The following FRYL variants were observed in gnomAD, a reference collection of about 807,000 sequenced individuals.
FRYL encodes FRY like transcription coactivator, also known as protein furry homolog-like.
FRYL carries 150 observed loss-of-function variants against 351.2 expected under a neutral mutation model. The observed-to-expected ratio is 0.43, with a 90% CI of 0.37 to 0.49. The LOEUF (loss-of-function observed/expected upper bound fraction) is 0.49, where lower values mean the gene tolerates loss of function less well. Ranked by LOEUF, FRYL falls within the 20% of genes least tolerant of loss-of-function variation. The pLI, the probability that FRYL is intolerant of heterozygous loss-of-function variation, is 0.00. For missense variants in FRYL, 3,036 were observed against 3,619.3 expected, an observed-to-expected ratio of 0.84 and a Z score of 4.13; for synonymous variants, 1,153 against 1,257.1, an observed-to-expected ratio of 0.92 and a Z score of 1.75.
chr4:48,581,483 C>G lies in FRYL; in HGVS notation c.2109G>C (p.Arg703Ser). Residue 703 changes from arginine to serine, a missense_variant, in exon 21 of 64, where the codon AGG becomes AGC. Arg to Ser is a moderately radical substitution (Grantham distance 110, BLOSUM62 -1). Transcript: ENST00000358350. The part of the protein sequence containing the change: ...VILCSSRPAT[R>S]RLAVSVLREI... ...CTCTAAGGACACTGACGGCTAGTCT[C>G]CTAGTGGCAGGTCGACTGCTACAGA... 6.2e-7 allele frequency: 1 copy of G among 1,613,984 alleles called. No individual in the cohort carries two copies. The highest frequency in any genetic ancestry group is 1.1e-5 in the South Asian group (1 of 91,048).
At chr4:48,572,775 A>T (rs1175160943) in intron 26 of FRYL, among the ~76,000 whole-genome samples, 2 of 152,228 alleles carry the variant, frequency 1.3e-5, no homozygotes, top group Non-Finnish European at 2.9e-5. Context: ...CCCATGGGCC[A>T]AATCTGGCCC....
rs750043200 is a variant in FRYL at position 48,623,119 on chromosome 4, G to A, written c.174+7C>T. Reference sequence around the variant, plus strand: ...GGGAAAAAAAAATTCTCCCAAAATTGTCATACCTGATCAAACTGAAGATCT... The same window carrying A: ...GGGAAAAAAAAATTCTCCCAAAATTATCATACCTGATCAAACTGAAGATCT... On this transcript the variant is annotated splice_region_variant and intron_variant, in intron 5 of 63. Transcript: ENST00000358350. 1.3e-6 allele frequency: 2 copies of A among 1,575,334 alleles called. No individual in the cohort carries two copies. The highest frequency in any genetic ancestry group is 1.7e-6 in the Non-Finnish European group (2 of 1,157,920).
At chr4:48,692,147 TG>T (rs2149560398) in intron 2 of FRYL, among the ~76,000 whole-genome samples, 1 of 152,314 alleles carries the variant, frequency 6.6e-6, no homozygotes, top group Admixed American at 6.5e-5. Flanking sequence ...GGCAACAGAT[TG>T]TATTTAGCCC....
At position 48,576,903 on chromosome 4, in the gene FRYL, C is replaced by A. The variant is rs572449593; in HGVS notation, c.2529-681G>T. Among the ~76,000 whole-genome samples, 37 of 152,208 alleles carry A rather than the reference C, an allele frequency of 2.4e-4. No homozygotes were observed. The South Asian group carries it at 3.5e-3, about 15-fold the overall frequency. On this transcript the variant is annotated intron_variant, in intron 23 of 63. Coordinates refer to ENST00000358350, the MANE Select transcript of FRYL (RefSeq NM_015030.2). ...TACATGAACTATAAGTGCATGAATACATCTCTTTTAATTTATACGAATTAA... is the reference window on the plus strand; with the variant it reads ...TACATGAACTATAAGTGCATGAATAAATCTCTTTTAATTTATACGAATTAA...
intron 3 of FRYL, among the ~76,000 whole-genome samples, chr4:48,655,725 G>C (rs1051583925): frequency 4.9e-5 from 7 of 144,328 alleles, no homozygotes; most frequent in Admixed American, 7.0e-5. Context: ...TAATGTATAA[G>C]TATATAAAAT....
rs71191256 is a variant in FRYL at position 48,742,973 on chromosome 4, ATT to A, written c.-383-32277_-383-32276del. On this transcript the variant is annotated intron_variant, in intron 1 of 63. Transcript: ENST00000358350. ...AGGTGTGCGCCACCACGCCTGGATA[ATT>A]TTTTTTTTTTTTTTTTTTTTTTTAC... Among the ~76,000 whole-genome samples the A allele has an allele frequency of 5.2e-3, 422 of 81,714 alleles. 4 individuals are homozygous for A. Among genetic ancestry groups the A allele is most frequent in the African/African-American group, 0.014 (324 of 22,380 alleles). 53.6% of individuals were successfully genotyped at this position (81,714 alleles called of 152,430 possible). A position where few individuals can be genotyped will look rare whatever the true frequency, so the allele number is the denominator to read the frequency against.
At chr4:48,557,153 T>C in intron 34 of FRYL, 35 bp from the exon 35 acceptor site, 1 of 1,552,502 alleles carries the variant, frequency 6.4e-7, no homozygotes, top group Middle Eastern at 1.7e-4. Context: ...ACTTCAGTCA[T>C]GACTGCCTAT....
rs201145304 is a variant in FRYL at position 48,592,082 on chromosome 4, T to C, written c.1336-1252A>G. Among the ~76,000 whole-genome samples the C allele has an allele frequency of 4.3e-5, 5 of 116,206 alleles. No individual in the cohort carries two copies. In the South Asian group the frequency reaches 1.2e-3, roughly 27 times the overall value. The allele number at this position is 116,206 out of a possible 152,430, so 76.2% of individuals were successfully genotyped here. On this transcript the variant is annotated intron_variant, in intron 16 of 63. Coordinates refer to ENST00000358350, the MANE Select transcript of FRYL (RefSeq NM_015030.2). ...GGAATACGGGAAGAAAATAAAGCTC[T>C]TATATATATATATATATATATATAT...
At chr4:48,539,868 G>T in intron 47 of FRYL, 103 bp downstream of exon 47, 2 of 787,322 alleles carry the variant, frequency 2.5e-6, no homozygotes, top group South Asian at 2.0e-5. Flanking sequence ...AATTCATATG[G>T]GAAGTGACAA....
chr4:48,659,378 AAGAAGG>A (rs1560806676), intron 3 of FRYL, among the ~76,000 whole-genome samples: 2,881 of 3,800 alleles, frequency 0.76, 1,319 homozygotes, highest in Non-Finnish European at 0.92. Context: ...GAGAGAGAAG[AAGAAGG>A]AGAAGGAGAA....
chr4:48,602,799 T>C (rs1560694929), intron 12 of FRYL, among the ~76,000 whole-genome samples: 1 of 152,156 alleles, frequency 6.6e-6, no homozygotes, highest in Non-Finnish European at 1.5e-5. Context: ...ATGACAGTGA[T>C]CCCCTGAGGT....
intron 43 of FRYL, 99 bp from the exon 44 acceptor site, chr4:48,544,096 A>G: frequency 5.3e-6 from 5 of 949,838 alleles, no homozygotes; most frequent in Non-Finnish European, 7.9e-6. Flanking sequence ...CAGCTAGCAC[A>G]CTTCCTGGCT....
At chr4:48,773,401 T>A (rs144946752) in intron 1 of FRYL, among the ~76,000 whole-genome samples, 160 of 152,310 alleles carry the variant, frequency 1.1e-3, no homozygotes, top group Non-Finnish European at 2.1e-3. Flanking sequence ...AAATGTCACA[T>A]CACATTCATC....
intron 55 of FRYL, among the ~76,000 whole-genome samples, chr4:48,516,662 T>A (rs1291254092): frequency 6.6e-6 from 1 of 152,220 alleles, no homozygotes; most frequent in Non-Finnish European, 1.5e-5. Context: ...AACTCATCTA[T>A]AAAATGAAGG....
chr4:48,619,127 G>A lies in FRYL; in HGVS notation c.411+147C>T, dbSNP rs185702204. On this transcript the variant is annotated intron_variant, in intron 7 of 63. Coordinates refer to ENST00000358350, the MANE Select transcript of FRYL (RefSeq NM_015030.2). ...ATAGGTACAGGGCAGGAAAGCCCCA[G>A]GCAACTGAAAGAAGTATAATGAAAT... 93 of 605,136 alleles carry A rather than the reference G, an allele frequency of 1.5e-4. 1 individual carries two copies. Among genetic ancestry groups the A allele is most frequent in the African/African-American group, 1.3e-3 (72 of 53,730 alleles). 37.5% of individuals were successfully genotyped at this position (605,136 alleles called of 1,614,324 possible).
chr4:48,502,984 A>T, intron 60 of FRYL, 139 bp from the exon 61 acceptor site: 1 of 610,270 alleles, frequency 1.6e-6, no homozygotes, highest in Non-Finnish European at 2.8e-6. Context: ...AAAGAAAATT[A>T]TACAAAGTTA....
At chr4:48,578,382 C>T (rs1740133122) in intron 23 of FRYL, among the ~76,000 whole-genome samples, 1 of 152,086 alleles carries the variant, frequency 6.6e-6, no homozygotes, top group Admixed American at 6.6e-5. Flanking sequence ...AAATCAGGAA[C>T]CCAAACCCAG....
intron 27 of FRYL, among the ~76,000 whole-genome samples, chr4:48,568,807 G>A (rs1369601931): frequency 6.6e-6 from 1 of 152,066 alleles, no homozygotes; most frequent in Non-Finnish European, 1.5e-5. Context: ...CCTACTAGTG[G>A]ATAGGAAACT....
intron 1 of FRYL, among the ~76,000 whole-genome samples, chr4:48,711,056 T>TA (rs1307148604): frequency 8.6e-5 from 13 of 151,954 alleles, no homozygotes; most frequent in Admixed American, 3.3e-4. Flanking sequence ...GGATGAATCC[T>TA]AAAAAAAACA....
Sources: gnomAD v4.1 joint callset for allele counts (sites outside exome capture counted in the v4.1 genomes callset) on GRCh38, gnomAD v4.1.1 for gene constraint, MANE v1.5 for transcripts, NCBI Gene and HGNC (gene_info 2026-07-23, HGNC 2026-07-21) for gene names.